RIMS1: variants seen among roughly 807,000 people sequenced by gnomAD.
RIMS1 encodes the protein regulating synaptic membrane exocytosis protein 1.
In RIMS1, 83 loss-of-function variants were observed where a neutral mutation model predicts 214.1. That is an observed-to-expected ratio of 0.39 (90% CI 0.32 to 0.47). The LOEUF is 0.47. Among genes scored for constraint, RIMS1 ranks in the 20% least tolerant of loss-of-function variants. RIMS1 has a pLI of 0.99. For missense variants in RIMS1, 2,050 were observed against 2,161.8 expected, an observed-to-expected ratio of 0.95 and a Z score of 1.03; for synonymous variants, 793 against 786.8, an observed-to-expected ratio of 1.01 and a Z score of -0.13.
At chr6:71,980,232 C>T (rs1346698066) in intron 2 of RIMS1, among the ~76,000 whole-genome samples, 1 of 152,060 alleles carries the variant, frequency 6.6e-6, no homozygotes, top group East Asian at 1.9e-4. Context: ...TCGGTACCCA[C>T]TGGCTACTGC....
rs550149873 is a variant in RIMS1, at chr6:72,161,694, G to A, written c.472-17881G>A. The stretch of plus-strand genomic sequence containing the variant: ...TTGTTCAGTATCCATGTAGGTGAGC[G>A]GTTTTGAGTGAGTTTCTTAAGCCTG... On this transcript the variant is annotated intron_variant, in intron 4 of 33. Transcript: ENST00000521978. Among the ~76,000 whole-genome samples the A allele has an allele frequency of 6.4e-5, 9 of 140,306 alleles. No homozygotes were observed. The South Asian group carries it at 7.0e-4, about 11-fold the overall frequency. 92.0% of individuals were successfully genotyped at this position (140,306 alleles called of 152,430 possible).
intron 16 of RIMS1, among the ~76,000 whole-genome samples, chr6:72,256,628 G>A (rs2075984598): frequency 6.6e-6 from 1 of 151,414 alleles, no homozygotes; most frequent in Non-Finnish European, 1.5e-5. Context: ...ATACCAGATA[G>A]CAATTAAAAA....
Position 71,965,086 on chromosome 6 carries a change from C to T in RIMS1, c.165-3897C>T, listed in dbSNP as rs183066905. Among the ~76,000 whole-genome samples, 20 of 152,274 alleles carry T rather than the reference C, an allele frequency of 1.3e-4. No homozygotes were observed. The East Asian group carries it at 3.9e-3, about 29-fold the overall frequency. ...TACAATAACACTTGGGAAGTAGACA[C>T]AAACACATGTATTTCCCCAACACTA... On this transcript the variant is annotated intron_variant, in intron 1 of 33. Transcript: ENST00000521978.
intron 4 of RIMS1, among the ~76,000 whole-genome samples, chr6:72,169,486 G>A (rs2046726364): frequency 1.3e-5 from 2 of 152,138 alleles, no homozygotes; most frequent in South Asian, 2.1e-4. Context: ...ATGAGAAGAG[G>A]TGATACAAAT....
rs1022321646 is a variant in RIMS1 at position 72,155,353 on chromosome 6, C to T, written c.472-24222C>T. On this transcript the variant is annotated intron_variant, in intron 4 of 33. Transcript: ENST00000521978. The stretch of plus-strand genomic sequence containing the variant: ...CTTTGCTGCTTAGAAATTTCTTCCT[C>T]CAGATACCCTAAATCATCTCTCTGA... Among the ~76,000 whole-genome samples the T allele has an allele frequency of 6.4e-5, 9 of 140,528 alleles. 1 individual carries two copies. Among genetic ancestry groups the T allele is most frequent in the African/African-American group, 2.2e-4 (9 of 40,560 alleles). The allele number at this position is 140,528 out of a possible 152,430, so 92.2% of individuals were successfully genotyped here. A position where few individuals can be genotyped will look rare whatever the true frequency, so the allele number is the denominator to read the frequency against.
chr6:72,157,257 A>G (rs1340787550), intron 4 of RIMS1, among the ~76,000 whole-genome samples: 1 of 140,454 alleles, frequency 7.1e-6, no homozygotes, highest in African/African-American at 2.5e-5. Flanking sequence ...TAGAACAACA[A>G]ATTTATACTT....
chr6:72,066,106 T>C (rs1189762580), intron 2 of RIMS1, among the ~76,000 whole-genome samples: 1 of 152,178 alleles, frequency 6.6e-6, no homozygotes, highest in Non-Finnish European at 1.5e-5. Context: ...ACTAAGTATG[T>C]GGACAACCTC....
At chr6:71,935,210 A>G (rs1784110154) in intron 1 of RIMS1, among the ~76,000 whole-genome samples, 1 of 152,198 alleles carries the variant, frequency 6.6e-6, no homozygotes, top group African/African-American at 2.4e-5. Flanking sequence ...GTTAGGTGTT[A>G]TATTGAAAAC....
At chr6:72,395,880 A>T (rs892089117) in intron 31 of RIMS1, among the ~76,000 whole-genome samples, 1 of 151,938 alleles carries the variant, frequency 6.6e-6, no homozygotes, top group Non-Finnish European at 1.5e-5. Context: ...TACATATATT[A>T]TGTACATATT....
chr6:72,192,421 C>T (rs894286834), intron 6 of RIMS1, among the ~76,000 whole-genome samples: 1 of 152,148 alleles, frequency 6.6e-6, no homozygotes, highest in African/African-American at 2.4e-5. Context: ...TCTCAAGAGC[C>T]CCCAGCTTTC....
intron 31 of RIMS1, among the ~76,000 whole-genome samples, chr6:72,397,570 A>T (rs541540461): frequency 3.9e-5 from 6 of 152,354 alleles, no homozygotes; most frequent in African/African-American, 1.4e-4. Context: ...ATGAAAATTT[A>T]AAATCTTGGA....
chr6:72,282,409 C>T (rs2090565393), intron 23 of RIMS1, among the ~76,000 whole-genome samples: 1 of 152,018 alleles, frequency 6.6e-6, no homozygotes, highest in African/African-American at 2.4e-5. Context: ...ACCCATGATC[C>T]CCTCTCCTGA....
intron 2 of RIMS1, among the ~76,000 whole-genome samples, chr6:72,051,386 T>A (rs1824622928): frequency 6.6e-6 from 1 of 152,226 alleles, no homozygotes; most frequent in Admixed American, 6.5e-5. Context: ...TGTTTAGAGG[T>A]ATTACCTAAC....
At chr6:71,963,811 C>G (rs1258104002) in intron 1 of RIMS1, among the ~76,000 whole-genome samples, 1 of 152,128 alleles carries the variant, frequency 6.6e-6, no homozygotes, top group African/African-American at 2.4e-5. Context: ...TACCTAGAAT[C>G]TGTTTTAAAT....
intron 1 of RIMS1, among the ~76,000 whole-genome samples, chr6:71,936,762 C>G (rs960171518): frequency 3.9e-5 from 6 of 152,174 alleles, no homozygotes; most frequent in African/African-American, 1.4e-4. Flanking sequence ...AGTGCCGCAT[C>G]CGTTTTGTAA....
chr6:72,359,511 C>T (rs1248166251), intron 29 of RIMS1, among the ~76,000 whole-genome samples: 25 of 151,876 alleles, frequency 1.6e-4, no homozygotes, highest in Admixed American at 1.6e-3. Flanking sequence ...ACTGACCTTT[C>T]CAAATATCAC....
Position 72,261,575 on chromosome 6 carries a change from TAGTA to T in RIMS1, c.3116+812_3116+815del, listed in dbSNP as rs542190890. ...GAAATGAATATAGAAGTTAAGGAAG[TAGTA>T]AGTCAGTGAAACAAACTAACACAAA... On this transcript the variant is annotated intron_variant, in intron 19 of 33. Coordinates refer to ENST00000521978, the MANE Select transcript of RIMS1 (RefSeq NM_014989.7). 236 of 960,420 alleles carry T rather than the reference TAGTA, an allele frequency of 2.5e-4. 1 individual carries two copies. The African/African-American group carries it at 3.7e-3, about 15-fold the overall frequency. 59.5% of individuals were successfully genotyped at this position (960,420 alleles called of 1,614,324 possible). A position where few individuals can be genotyped will look rare whatever the true frequency, so the allele number is the denominator to read the frequency against.
chr6:72,110,679 T>C (rs900975097), intron 4 of RIMS1, among the ~76,000 whole-genome samples: 1 of 151,518 alleles, frequency 6.6e-6, no homozygotes, highest in South Asian at 2.1e-4. Flanking sequence ...CTTTTCCTAA[T>C]TGAATACCCT....
intron 2 of RIMS1, among the ~76,000 whole-genome samples, chr6:72,052,174 A>C (rs149844794): frequency 6.6e-6 from 1 of 152,224 alleles, no homozygotes; most frequent in African/African-American, 2.4e-5. Context: ...CTGTCTTCCA[A>C]CAAGATGAGT....
Sources: gnomAD v4.1 joint callset for allele counts (sites outside exome capture counted in the v4.1 genomes callset) on GRCh38, gnomAD v4.1.1 for gene constraint, MANE v1.5 for transcripts, NCBI Gene and HGNC (gene_info 2026-07-23, HGNC 2026-07-21) for gene names.